Variants in MSRA observed in about 807,000 individuals in gnomAD.
MSRA encodes the protein methionine sulfoxide reductase A, also known as mitochondrial peptide methionine sulfoxide reductase.
MSRA carries 54 observed loss-of-function variants against 31.3 expected under a neutral mutation model. The ratio of observed to expected loss-of-function variants is 1.73; its 90% CI spans 1.39 to 2.17. The LOEUF (loss-of-function observed/expected upper bound fraction) is 2.17. Ranked by LOEUF, MSRA falls within the 30% of genes most tolerant of loss-of-function variation. The pLI, the probability that MSRA is intolerant of heterozygous loss-of-function variation, is 0.00. For synonymous variants in MSRA, 169 were observed against 116.5 expected (o/e 1.45, Z -2.90); for missense variants, 507 against 300.9 (o/e 1.69, Z -5.07).
chr8:10,358,388 G>T (rs1210851647), intron 5 of MSRA, among the ~76,000 whole-genome samples: 1 of 150,534 alleles, frequency 6.6e-6, no homozygotes, highest in East Asian at 1.9e-4. Context: ...CTATTCTCTT[G>T]TTTCCCCCCA....
intron 4 of MSRA, among the ~76,000 whole-genome samples, chr8:10,315,661 C>G (rs539242439): frequency 1.3e-5 from 2 of 152,356 alleles, no homozygotes; most frequent in South Asian, 4.1e-4. Flanking sequence ...GTGCTTGGTA[C>G]TGATTTCAAT....
At chr8:10,222,520 A>C (rs144921943) in intron 2 of MSRA, among the ~76,000 whole-genome samples, 12 of 152,316 alleles carry the variant, frequency 7.9e-5, no homozygotes, top group Middle Eastern at 6.8e-3. Context: ...AAAGGCAATG[A>C]AATCACTATC....
rs979092669 is a variant in MSRA at position 10,209,589 on chromosome 8, G to C, written c.211+1688G>C. 3.9e-5 allele frequency among the ~76,000 whole-genome samples: 6 copies of C among 151,966 alleles called. No individual in the cohort carries two copies. The East Asian group carries it at 1.2e-3, about 29-fold the overall frequency. ...TGGGGGGTTGCAGTGGAAAGATTTG[G>C]TTTATAGCGGCTTCCTCAACATTCT... On this transcript the variant is annotated intron_variant, in intron 2 of 5. Transcript: ENST00000317173.
intron 1 of MSRA, among the ~76,000 whole-genome samples, chr8:10,118,109 C>T (rs1402811490): frequency 6.6e-6 from 1 of 152,188 alleles, no homozygotes; most frequent in Non-Finnish European, 1.5e-5. Flanking sequence ...TCCCCTTGGG[C>T]TGATGGTGGT....
intron 1 of MSRA, among the ~76,000 whole-genome samples, chr8:10,205,843 A>G (rs548469523): frequency 1.9e-4 from 29 of 152,338 alleles, no homozygotes; most frequent in African/African-American, 6.7e-4. Flanking sequence ...TTTCCTTACC[A>G]TTATCCCAAA....
intron 3 of MSRA, among the ~76,000 whole-genome samples, chr8:10,262,810 G>T (rs182330263): frequency 6.6e-6 from 1 of 152,352 alleles, no homozygotes; most frequent in South Asian, 2.1e-4. Context: ...AGAAAGTCAG[G>T]TTGGACTGTT....
intron 1 of MSRA, among the ~76,000 whole-genome samples, chr8:10,061,120 T>C (rs1256230830): frequency 2.0e-5 from 3 of 152,180 alleles, no homozygotes; most frequent in Non-Finnish European, 4.4e-5. Context: ...GGGTATTCTG[T>C]ACCTCCCACA....
chr8:10,096,172 TAAGAAA>T, intron 1 of MSRA: 1 of 1,252,068 alleles, frequency 8.0e-7, no homozygotes, highest in Non-Finnish European at 1.0e-6. Context: ...TCCATGTGTT[TAAGAAA>T]ACGTTTTCTT....
chr8:10,103,882 C>G (rs1157840157), intron 1 of MSRA, among the ~76,000 whole-genome samples: 1 of 151,934 alleles, frequency 6.6e-6, no homozygotes, highest in African/African-American at 2.4e-5. Flanking sequence ...TAAAGCCTTA[C>G]TCTCTCTCAC....
intron 5 of MSRA, among the ~76,000 whole-genome samples, chr8:10,366,644 C>T (rs920085285): frequency 2.0e-5 from 3 of 152,204 alleles, no homozygotes; most frequent in Non-Finnish European, 2.9e-5. Flanking sequence ...GCTCCCGCAT[C>T]CCCTGCTTGT....
intron 1 of MSRA, among the ~76,000 whole-genome samples, chr8:10,138,418 C>G (rs1457363159): frequency 6.6e-6 from 1 of 152,098 alleles, no homozygotes; most frequent in African/African-American, 2.4e-5. Context: ...GCTGCAACTT[C>G]GATGTTGAGC....
In MSRA at chr8:10,113,794, A is replaced by G. The variant is rs143141583; in HGVS notation, c.142+59136A>G. Among the ~76,000 whole-genome samples, 17 of 152,042 alleles carry G rather than the reference A, an allele frequency of 1.1e-4. No individual in the cohort carries two copies. The East Asian group carries it at 3.1e-3, about 28-fold the overall frequency. On this transcript the variant is annotated intron_variant, in intron 1 of 5. Coordinates refer to ENST00000317173, the MANE Select transcript of MSRA (RefSeq NM_012331.5). Reference sequence around the variant, plus strand: ...TTTTTTTTTAAAAAAAAGATTATTAATTGTTTAGTGAGATCTAATTCACAT... The same window carrying G: ...TTTTTTTTTAAAAAAAAGATTATTAGTTGTTTAGTGAGATCTAATTCACAT...
chr8:10,313,221 A>C (rs4546664), intron 4 of MSRA, among the ~76,000 whole-genome samples: 1 of 152,088 alleles, frequency 6.6e-6, no homozygotes, highest in Non-Finnish European at 1.5e-5. Flanking sequence ...TTCTCTCTCT[A>C]TATTCAGTCT....
At chr8:10,080,588 C>G (rs1229999696) in intron 1 of MSRA, among the ~76,000 whole-genome samples, 4 of 152,082 alleles carry the variant, frequency 2.6e-5, no homozygotes, top group Non-Finnish European at 5.9e-5. Context: ...TGCAGTAGCA[C>G]AGTCCCAGCT....
chr8:10,206,384 G>A (rs1468262616), intron 1 of MSRA, among the ~76,000 whole-genome samples: 1 of 152,106 alleles, frequency 6.6e-6, no homozygotes, highest in East Asian at 1.9e-4. Context: ...AGAACCCTGG[G>A]CTGGGTTCTC....
intron 1 of MSRA, among the ~76,000 whole-genome samples, chr8:10,073,614 C>T (rs1416817481): frequency 6.6e-6 from 1 of 151,982 alleles, no homozygotes; most frequent in Non-Finnish European, 1.5e-5. Flanking sequence ...GTTGCAAACT[C>T]TTACTCCACA....
chr8:10,117,848 A>C (rs912774492), intron 1 of MSRA, among the ~76,000 whole-genome samples: 1 of 152,246 alleles, frequency 6.6e-6, no homozygotes, highest in East Asian at 1.9e-4. Context: ...GTCATGAATG[A>C]ATCCCTGATT....
intron 1 of MSRA, among the ~76,000 whole-genome samples, chr8:10,080,580 C>CAGT (rs1798241980): frequency 6.6e-6 from 1 of 152,220 alleles, no homozygotes; most frequent in South Asian, 2.1e-4. Flanking sequence ...GGCTAGAGTG[C>CAGT]AGTAGCACAG....
At chr8:10,263,540 G>A (rs756330000) in intron 3 of MSRA, among the ~76,000 whole-genome samples, 12 of 152,180 alleles carry the variant, frequency 7.9e-5, no homozygotes, top group Non-Finnish European at 1.8e-4. Flanking sequence ...TACCAAAACC[G>A]GGAATCATTC....
Sources: allele counts gnomAD v4.1 joint callset (sites outside exome capture counted in the v4.1 genomes callset), GRCh38; gene constraint gnomAD v4.1.1; transcripts MANE v1.5; gene names NCBI Gene and HGNC (gene_info 2026-07-23, HGNC 2026-07-21).